Variants in COL25A1 observed in about 807,000 individuals in gnomAD.
The protein encoded by COL25A1 is collagen type XXV alpha 1 chain.
COL25A1 carries 103 observed loss-of-function variants against 128.4 expected under a neutral mutation model. The ratio of observed to expected loss-of-function variants is 0.80; its 90% CI spans 0.68 to 0.94. The LOEUF (loss-of-function observed/expected upper bound fraction) is 0.94, where lower values mean the gene tolerates loss of function less well. Ranked by LOEUF, COL25A1 falls within the 40% of genes least tolerant of loss-of-function variation. The pLI is 0.00. For synonymous variants in COL25A1, 279 were observed against 277.2 expected (o/e 1.01, Z -0.06); for missense variants, 745 against 840.0 (o/e 0.89, Z 1.40).
rs1328874640 is a variant in COL25A1, at chr4:108,897,296, T to A, written c.862-585A>T. On this transcript the variant is annotated intron_variant, in intron 15 of 37. Coordinates refer to ENST00000399132, the MANE Select transcript of COL25A1 (RefSeq NM_198721.4). ...TTTATGCTTTACTAGAAAAATTTTT[T>A]AAATCATAGTTTATGCTTTTTTTGT... Among the ~76,000 whole-genome samples the A allele has an allele frequency of 7.9e-5, 12 of 152,246 alleles. No homozygotes were observed. In the South Asian group the frequency reaches 2.3e-3, roughly 29 times the overall value.
chr4:109,266,540 G>A (rs971893197), intron 3 of COL25A1, among the ~76,000 whole-genome samples: 2 of 152,078 alleles, frequency 1.3e-5, no homozygotes, highest in African/African-American at 4.8e-5. Flanking sequence ...TAAAGATATG[G>A]GGGGCTGGGG....
intron 3 of COL25A1, among the ~76,000 whole-genome samples, chr4:109,270,978 G>C (rs368791325): frequency 1.8e-4 from 28 of 152,150 alleles, no homozygotes; most frequent in African/African-American, 6.5e-4. Context: ...TCAGTTTTAT[G>C]GATCAGGAAA....
At chr4:108,973,068 C>T (rs1187725172) in intron 8 of COL25A1, among the ~76,000 whole-genome samples, 1 of 152,104 alleles carries the variant, frequency 6.6e-6, no homozygotes, top group Non-Finnish European at 1.5e-5. Context: ...TTCCCTCTTA[C>T]CTGGAAAGGG....
chr4:108,822,001 G>C lies in COL25A1; in HGVS notation c.1845+2173C>G, dbSNP rs1731819325. On this transcript the variant is annotated intron_variant, in intron 35 of 37. Transcript: ENST00000399132. ...TTATGCTTTCCTATGCTGTAATGCTGGTAATTTCTTTCTCATAAACGTGAG... is the reference window on the plus strand; with the variant it reads ...TTATGCTTTCCTATGCTGTAATGCTCGTAATTTCTTTCTCATAAACGTGAG... 2.7e-5 allele frequency among the ~76,000 whole-genome samples: 4 copies of C among 146,276 alleles called. No individual in the cohort carries two copies. The South Asian group carries it at 8.8e-4, about 32-fold the overall frequency.
At chr4:108,818,705 T>C (rs1382011934) in intron 36 of COL25A1, among the ~76,000 whole-genome samples, 1 of 152,196 alleles carries the variant, frequency 6.6e-6, no homozygotes, top group Non-Finnish European at 1.5e-5. Flanking sequence ...CAGACTTTTA[T>C]CATCTTTAGA....
At chr4:108,969,692 T>C (rs1255722244) in intron 8 of COL25A1, among the ~76,000 whole-genome samples, 1 of 152,134 alleles carries the variant, frequency 6.6e-6, no homozygotes, top group Non-Finnish European at 1.5e-5. Context: ...TCAGTATGTG[T>C]CCTTGCCTCC....
chr4:109,263,964 G>A (rs929139084), intron 3 of COL25A1, among the ~76,000 whole-genome samples: 15 of 152,156 alleles, frequency 9.9e-5, no homozygotes, highest in African/African-American at 2.9e-4. Flanking sequence ...CAAGACAGTC[G>A]CTTCATTCAT....
intron 8 of COL25A1, among the ~76,000 whole-genome samples, chr4:108,971,304 C>T (rs1175020350): frequency 6.6e-6 from 1 of 151,996 alleles, no homozygotes; most frequent in East Asian, 1.9e-4. Context: ...CTTCACTATT[C>T]TATGTGAAGG....
chr4:109,227,332 G>T (rs913615515), intron 3 of COL25A1, among the ~76,000 whole-genome samples: 4 of 152,160 alleles, frequency 2.6e-5, no homozygotes, highest in African/African-American at 9.7e-5. Context: ...TATTAAAAAT[G>T]ATGTGAAGAT....
chr4:109,231,190 C>A (rs767351714), intron 3 of COL25A1, among the ~76,000 whole-genome samples: 64 of 151,968 alleles, frequency 4.2e-4, no homozygotes, highest in Non-Finnish European at 7.8e-4. Context: ...AATTTTCTTA[C>A]ATTAAAGTTA....
chr4:108,997,384 T>G (rs1402065043), intron 6 of COL25A1, among the ~76,000 whole-genome samples: 1 of 152,088 alleles, frequency 6.6e-6, no homozygotes, highest in Non-Finnish European at 1.5e-5. Flanking sequence ...AAGAAATGGA[T>G]AAATTCCTGG....
chr4:108,857,930 C>T (rs1296609417), intron 24 of COL25A1, among the ~76,000 whole-genome samples: 2 of 151,972 alleles, frequency 1.3e-5, no homozygotes, highest in Non-Finnish European at 2.9e-5. Context: ...ACCACTAGAA[C>T]CCCACCACTA....
chr4:109,074,177 C>G (rs1437320885), intron 3 of COL25A1, among the ~76,000 whole-genome samples: 1 of 152,190 alleles, frequency 6.6e-6, no homozygotes, highest in African/African-American at 2.4e-5. Flanking sequence ...AATGCCACCA[C>G]TGATGTGACA....
chr4:109,102,511 G>A (rs1275457260), intron 3 of COL25A1, among the ~76,000 whole-genome samples: 3 of 152,028 alleles, frequency 2.0e-5, no homozygotes, highest in African/African-American at 7.2e-5. Flanking sequence ...ATTAAATCAA[G>A]TTGGTTGATA....
intron 13 of COL25A1, among the ~76,000 whole-genome samples, chr4:108,910,000 C>T (rs1427013569): frequency 6.6e-6 from 1 of 152,192 alleles, no homozygotes; most frequent in Non-Finnish European, 1.5e-5. Flanking sequence ...ATGGTCCACT[C>T]TTTCTGAATA....
At chr4:108,845,053 C>T (rs1177364785) in intron 29 of COL25A1, 136 bp downstream of exon 29, 2 of 776,438 alleles carry the variant, frequency 2.6e-6, no homozygotes, top group Admixed American at 3.9e-5. Flanking sequence ...GATGTTTCTT[C>T]TACAGTTTGA....
chr4:108,878,989 C>T (rs1462076500), intron 19 of COL25A1, among the ~76,000 whole-genome samples: 2 of 152,156 alleles, frequency 1.3e-5, no homozygotes, highest in Non-Finnish European at 2.9e-5. Context: ...TCCTATGTTG[C>T]TTCAGAAGTT....
At chr4:109,236,009 T>C (rs1246739867) in intron 3 of COL25A1, among the ~76,000 whole-genome samples, 1 of 152,152 alleles carries the variant, frequency 6.6e-6, no homozygotes, top group Non-Finnish European at 1.5e-5. Context: ...CTGTAGGTGC[T>C]TAATACGTAA....
In COL25A1 at chr4:108,853,027, A is replaced by C. The variant is rs150736231; in HGVS notation, c.1321-102T>G. ...ATCAACTTTTTGAATATGTTTGGCTAGTCTGATATCTTAAAAGGATTTGAC... is the reference window on the plus strand; with the variant it reads ...ATCAACTTTTTGAATATGTTTGGCTCGTCTGATATCTTAAAAGGATTTGAC... On this transcript the variant is annotated intron_variant, in intron 24 of 37. Coordinates refer to ENST00000399132, the MANE Select transcript of COL25A1 (RefSeq NM_198721.4). 2,756 of 984,042 alleles carry C rather than the reference A, an allele frequency of 2.8e-3. 75 individuals carry two copies. The East Asian group carries it at 0.054, about 19-fold the overall frequency. 61.0% of individuals were successfully genotyped at this position (984,042 alleles called of 1,614,324 possible). A position where few individuals can be genotyped will look rare whatever the true frequency, so the allele number is the denominator to read the frequency against.
Sources: gnomAD v4.1 joint callset for allele counts (sites outside exome capture counted in the v4.1 genomes callset) on GRCh38, gnomAD v4.1.1 for gene constraint, MANE v1.5 for transcripts, NCBI Gene and HGNC (gene_info 2026-07-23, HGNC 2026-07-21) for gene names.